CHD2: variants seen among roughly 807,000 people sequenced by gnomAD.
The protein encoded by CHD2 is ATP-dependent chromatin remodeler CHD2.
CHD2 carries 28 observed loss-of-function variants against 243.9 expected under a neutral mutation model. The ratio of observed to expected loss-of-function variants is 0.11; its 90% CI spans 0.09 to 0.16. The LOEUF (loss-of-function observed/expected upper bound fraction) is 0.16. Among genes scored for constraint, CHD2 ranks in the 10% least tolerant of loss-of-function variants. The pLI is 1.00. For synonymous variants in CHD2, 775 were observed against 779.0 expected (o/e 0.99, Z 0.09); for missense variants, 1,386 against 2,209.8 (o/e 0.63, Z 7.47).
intron 31 of CHD2, among the ~76,000 whole-genome samples, chr15:93,000,227 C>T (rs924334572): frequency 1.3e-5 from 2 of 151,858 alleles, no homozygotes; most frequent in Non-Finnish European, 2.9e-5. Flanking sequence ...GATGGCACCT[C>T]TACACTCCAG....
chr15:92,954,805 A>G (rs1258252357), intron 14 of CHD2, among the ~76,000 whole-genome samples: 2 of 152,134 alleles, frequency 1.3e-5, no homozygotes, highest in African/African-American at 4.8e-5. Context: ...CTTGTTCTCC[A>G]GTTCCTAACT....
At chr15:92,914,028 T>A (rs1486339436) in intron 2 of CHD2, among the ~76,000 whole-genome samples, 1 of 152,188 alleles carries the variant, frequency 6.6e-6, no homozygotes, top group Non-Finnish European at 1.5e-5. Flanking sequence ...GGTAATCAGA[T>A]CTTTTAATCT....
intron 8 of CHD2, 72 bp downstream of exon 8, chr15:92,942,027 C>T (rs1176347206): frequency 7.0e-7 from 1 of 1,426,808 alleles, no homozygotes; most frequent in East Asian, 2.3e-5. Context: ...TATTTTAACT[C>T]TAATGTGATG....
intron 6 of CHD2, 43 bp downstream of exon 6, chr15:92,937,668 C>A: frequency 7.2e-7 from 1 of 1,396,758 alleles, no homozygotes; most frequent in South Asian, 1.2e-5. Context: ...TGAGCTTAAT[C>A]TGCTGTAGAT....
At chr15:93,015,135 G>A (rs755447159) in intron 37 of CHD2, among the ~76,000 whole-genome samples, 14 of 152,032 alleles carry the variant, frequency 9.2e-5, no homozygotes, top group Non-Finnish European at 1.9e-4. Context: ...CTGGAGTGCA[G>A]TGGCACAATC....
At chr15:92,956,884 T>G (rs1173474044) in intron 16 of CHD2, among the ~76,000 whole-genome samples, 1 of 152,184 alleles carries the variant, frequency 6.6e-6, no homozygotes, top group Non-Finnish European at 1.5e-5. Context: ...AATTAGTTAA[T>G]GCACTTGGGA....
Position 93,009,330 on chromosome 15 carries a change from A to G in CHD2, c.4592+7A>G, listed in dbSNP as rs1384519631. On this transcript the variant is annotated splice_region_variant and intron_variant, in intron 35 of 38. Transcript: ENST00000394196. ...ACATCAAACTCTGGAGGAGGTAACC[A>G]CTTTGGCCTCGTCTGCCCAGTTTGA... 3.1e-6 allele frequency: 5 copies of G among 1,612,296 alleles called. No individual in the cohort carries two copies. The highest frequency in any genetic ancestry group is 2.2e-5 in the South Asian group (2 of 91,008).
intron 2 of CHD2, among the ~76,000 whole-genome samples, chr15:92,903,181 TAA>T (rs2052554822): frequency 6.6e-6 from 1 of 152,238 alleles, no homozygotes; most frequent in African/African-American, 2.4e-5. Flanking sequence ...CACTTCCTTT[TAA>T]AATGTGCAGC....
chr15:92,927,359 A>G (rs771670518), intron 4 of CHD2, 29 bp downstream of exon 4: 29 of 1,463,944 alleles, frequency 2.0e-5, no homozygotes, highest in South Asian at 6.9e-5. Flanking sequence ...AAGGGCATGC[A>G]TTTAAACTCC....
chr15:92,967,251 T>G (rs1460034037), intron 16 of CHD2, 74 bp from the exon 17 acceptor site: 1 of 1,096,862 alleles, frequency 9.1e-7, no homozygotes. Context: ...GAAAGATTCA[T>G]TTTTTTACAG....
intron 17 of CHD2, 135 bp from the exon 18 acceptor site, chr15:92,971,630 A>G (rs961449790): frequency 4.8e-5 from 27 of 563,958 alleles, no homozygotes; most frequent in Non-Finnish European, 7.3e-5. Context: ...ACAAAAGAAA[A>G]TATTCTTTGC....
chr15:92,974,383 A>G lies in CHD2; in HGVS notation c.2506-496A>G, dbSNP rs191854452. 2.6e-3 allele frequency among the ~76,000 whole-genome samples: 394 copies of G among 152,346 alleles called. 1 individual carries two copies. The highest frequency in any genetic ancestry group is 4.6e-3 in the Non-Finnish European group (310 of 68,028). ...TATATGATCAATTTTAACATTTTCA[A>G]TGATTCAGCAAAATGTTTTTCAAAC... On this transcript the variant is annotated intron_variant, in intron 19 of 38. Coordinates refer to ENST00000394196, the MANE Select transcript of CHD2 (RefSeq NM_001271.4).
In CHD2 at chr15:92,974,166, A is replaced by G. The variant is rs1406729297; in HGVS notation, c.2506-713A>G. On this transcript the variant is annotated intron_variant, in intron 19 of 38. Coordinates refer to ENST00000394196, the MANE Select transcript of CHD2 (RefSeq NM_001271.4). ...TTATAAAATGTACAGCATGCAGGTG[A>G]TAATTCTTTAGTATTTTATGTGTCA... 2.0e-5 allele frequency: 3 copies of G among 152,344 alleles called. No homozygotes were observed. The East Asian group carries it at 5.8e-4, about 29-fold the overall frequency. The allele number at this position is 152,344 out of a possible 1,614,324, so 9.4% of individuals were successfully genotyped here. A position where few individuals can be genotyped will look rare whatever the true frequency, so the allele number is the denominator to read the frequency against.
chr15:92,986,581 A>G (rs1172309202), intron 26 of CHD2, among the ~76,000 whole-genome samples: 3 of 152,176 alleles, frequency 2.0e-5, no homozygotes, highest in Non-Finnish European at 4.4e-5. Context: ...GTATGTATAT[A>G]TACACACCCC....
Position 92,980,922 on chromosome 15 carries a change from A to G in CHD2, c.2973+11A>G, listed in dbSNP as rs373385231. ...GAATCAGAACCTCAGGTAATTAACA[A>G]TGAGGAGAGGGAAATTTTTTTGAGA... On this transcript the variant is annotated intron_variant, in intron 23 of 38. Transcript: ENST00000394196. The G allele has an allele frequency of 5.0e-6, 8 of 1,590,050 alleles. No individual in the cohort carries two copies. In the African/African-American group the frequency reaches 5.4e-5, roughly 11 times the overall value.
chr15:92,985,195 A>C (rs1203408495), intron 25 of CHD2, among the ~76,000 whole-genome samples: 2 of 152,248 alleles, frequency 1.3e-5, no homozygotes, highest in Non-Finnish European at 2.9e-5. Context: ...AAAGGCACAA[A>C]GAGTAAAATT....
chr15:93,016,864 A>T (rs930640797), intron 37 of CHD2, among the ~76,000 whole-genome samples: 1 of 152,068 alleles, frequency 6.6e-6, no homozygotes, highest in Non-Finnish European at 1.5e-5. Context: ...ATTAGAAAAA[A>T]ACTCTGTGGA....
chr15:92,903,130 C>A (rs937019910), intron 2 of CHD2, among the ~76,000 whole-genome samples: 8 of 152,006 alleles, frequency 5.3e-5, no homozygotes, highest in African/African-American at 1.9e-4. Context: ...AATTAGTTAC[C>A]CTAAATTTCA....
At chr15:92,915,743 T>C (rs920843366) in intron 2 of CHD2, among the ~76,000 whole-genome samples, 7 of 152,224 alleles carry the variant, frequency 4.6e-5, no homozygotes, top group African/African-American at 1.7e-4. Flanking sequence ...AAAATAAATC[T>C]CGGTATCTCC....
Sources: gnomAD v4.1 joint callset for allele counts (sites outside exome capture counted in the v4.1 genomes callset) on GRCh38, gnomAD v4.1.1 for gene constraint, MANE v1.5 for transcripts, NCBI Gene and HGNC (gene_info 2026-07-23, HGNC 2026-07-21) for gene names.